Variants in MACC1 observed in about 807,000 individuals in gnomAD.
MACC1 encodes metastasis-associated in colon cancer protein 1.
A neutral mutation model predicts 70.7 loss-of-function variants in MACC1; 79 were observed. The observed-to-expected ratio is 1.12, with a 90% CI of 0.93 to 1.35. The LOEUF is 1.35. Ranked by LOEUF, MACC1 falls within the 40% of genes most tolerant of loss-of-function variation. The pLI is 0.00. For missense variants in MACC1, 1,106 were observed against 978.1 expected, an observed-to-expected ratio of 1.13 and a Z score of -1.74; for synonymous variants, 361 against 347.2, an observed-to-expected ratio of 1.04 and a Z score of -0.44.
chr7:20,152,336 T>C (rs575831525), intron 6 of MACC1, among the ~76,000 whole-genome samples: 2 of 152,250 alleles, frequency 1.3e-5, no homozygotes, highest in Admixed American at 6.5e-5. Flanking sequence ...CCAGAACTAA[T>C]ATCAGTGTGC....
At chr7:20,198,944 AG>A (rs1170257755) in intron 1 of MACC1, among the ~76,000 whole-genome samples, 2 of 152,262 alleles carry the variant, frequency 1.3e-5, no homozygotes, top group Non-Finnish European at 2.9e-5. Flanking sequence ...CTGTGCAGAG[AG>A]AAAGGCTTGT....
At chr7:20,206,759 C>T (rs531431992) in intron 1 of MACC1, among the ~76,000 whole-genome samples, 172 of 152,328 alleles carry the variant, frequency 1.1e-3, no homozygotes, top group Non-Finnish European at 1.9e-3. Context: ...AGTTGGCCAA[C>T]GTCAACTTAT....
At chr7:20,149,998 G>C (rs553675103) in intron 6 of MACC1, among the ~76,000 whole-genome samples, 1 of 152,146 alleles carries the variant, frequency 6.6e-6, no homozygotes, top group South Asian at 2.1e-4. Flanking sequence ...TATATGTAAA[G>C]AGCAGATGGC....
intron 1 of MACC1, among the ~76,000 whole-genome samples, chr7:20,200,108 A>G (rs1196454726): frequency 1.3e-5 from 2 of 151,978 alleles, no homozygotes; most frequent in African/African-American, 2.4e-5. Flanking sequence ...GATAAATAAA[A>G]TTCATAATAA....
chr7:20,191,331 TG>T (rs2128107107), intron 1 of MACC1, among the ~76,000 whole-genome samples: 1 of 152,256 alleles, frequency 6.6e-6, no homozygotes, highest in African/African-American at 2.4e-5. Flanking sequence ...CAGGAGGTCC[TG>T]GAAACACAGG....
At chr7:20,196,388 G>C (rs1022838937) in intron 1 of MACC1, among the ~76,000 whole-genome samples, 1 of 152,030 alleles carries the variant, frequency 6.6e-6, no homozygotes, top group Admixed American at 6.6e-5. Flanking sequence ...CACCGTGTTA[G>C]CCAGGATGGT....
At chr7:20,216,346 T>TA (rs370345327) in intron 1 of MACC1, among the ~76,000 whole-genome samples, 114 of 152,244 alleles carry the variant, frequency 7.5e-4, no homozygotes, top group African/African-American at 2.5e-3. Context: ...TTAATTGTGG[T>TA]AAAAAACTTA....
At chr7:20,178,667 T>C (rs770771079) in intron 1 of MACC1, among the ~76,000 whole-genome samples, 8 of 152,242 alleles carry the variant, frequency 5.3e-5, no homozygotes, top group Non-Finnish European at 1.2e-4. Context: ...AGGCGCGATC[T>C]CGGCTCACCG....
intron 1 of MACC1, among the ~76,000 whole-genome samples, chr7:20,184,293 T>C (rs1421131776): frequency 6.6e-6 from 1 of 152,140 alleles, no homozygotes; most frequent in Non-Finnish European, 1.5e-5. Flanking sequence ...TAACAACATC[T>C]AACTCACTAC....
intron 5 of MACC1, among the ~76,000 whole-genome samples, chr7:20,156,851 A>C (rs1782061602): frequency 6.6e-6 from 1 of 152,196 alleles, no homozygotes; most frequent in African/African-American, 2.4e-5. Flanking sequence ...TTGCATCTTG[A>C]TTAAAACTTT....
intron 1 of MACC1, among the ~76,000 whole-genome samples, chr7:20,214,411 T>C (rs1320049633): frequency 6.6e-6 from 1 of 152,158 alleles, no homozygotes; most frequent in Non-Finnish European, 1.5e-5. Context: ...CAAACTTCAC[T>C]CATTCTGGTA....
At chr7:20,148,644 C>T (rs1781930353) in intron 6 of MACC1, among the ~76,000 whole-genome samples, 1 of 151,882 alleles carries the variant, frequency 6.6e-6, no homozygotes, top group Non-Finnish European at 1.5e-5. Context: ...AATGTGTTAC[C>T]CCAGAAATTT....
At position 20,137,091 on chromosome 7, in the gene MACC1, T is replaced by C. The variant is rs1481551131; in HGVS notation, c.*3855A>G. ...TGTTCATTATTCTCTTTTTCTTTTA[T>C]ATTACCTCAAAAATTCCTTAGATAT... On this transcript the variant is annotated 3_prime_UTR_variant, in exon 7 of 7. Transcript: ENST00000400331. 6.6e-6 allele frequency: 1 copy of C among 151,992 alleles called. No homozygotes were observed. Among genetic ancestry groups the C allele is most frequent in the African/African-American group, 2.4e-5 (1 of 41,418 alleles). 9.4% of individuals were successfully genotyped at this position (151,992 alleles called of 1,614,324 possible).
intron 6 of MACC1, among the ~76,000 whole-genome samples, chr7:20,148,536 T>C (rs1344695441): frequency 6.6e-6 from 1 of 152,206 alleles, no homozygotes; most frequent in Admixed American, 6.5e-5. Context: ...TTTAAATCCA[T>C]TTTGAATTTT....
intron 1 of MACC1, among the ~76,000 whole-genome samples, chr7:20,186,324 G>A (rs1361334566): frequency 6.6e-6 from 1 of 151,942 alleles, no homozygotes; most frequent in Non-Finnish European, 1.5e-5. Flanking sequence ...AAATAGGATT[G>A]GATACTTTCA....
chr7:20,159,039 T>G lies in MACC1; in HGVS notation c.1322A>C (p.Asp441Ala). ...QDLSISIFSC[D>A]PDFEVKTEGE... ...TTCTGTCTTTACTTCAAAATCAGGA[T>G]CACAGGAAAAAATAGAAATACTTAA... The change falls in exon 5 of 7, where the codon GAT (aspartate) becomes GCT (alanine). Residue 441 changes from aspartate (D) to alanine (A), a missense_variant. Coordinates refer to ENST00000400331, the MANE Select transcript of MACC1 (RefSeq NM_182762.4). 1 of 1,613,826 alleles carries G rather than the reference T, an allele frequency of 6.2e-7. No individual in the cohort carries two copies. The highest frequency in any genetic ancestry group is 1.7e-5 in the Admixed American group (1 of 59,948).
intron 1 of MACC1, among the ~76,000 whole-genome samples, chr7:20,190,607 T>C (rs1191242557): frequency 6.6e-6 from 1 of 152,174 alleles, no homozygotes; most frequent in African/African-American, 2.4e-5. Flanking sequence ...TCCTAAAGCA[T>C]AAAAATTCTG....
chr7:20,180,708 G>T (rs1466906031), intron 1 of MACC1, among the ~76,000 whole-genome samples: 1 of 152,050 alleles, frequency 6.6e-6, no homozygotes, highest in Non-Finnish European at 1.5e-5. Context: ...TTAGCCAGAT[G>T]TGGTGGTGCG....
intron 1 of MACC1, among the ~76,000 whole-genome samples, chr7:20,207,651 G>T (rs1174028047): frequency 1.3e-5 from 2 of 151,910 alleles, no homozygotes; most frequent in Non-Finnish European, 2.9e-5. Context: ...GGAAAAAATA[G>T]GTATTTTCAT....
Sources: gnomAD v4.1 joint callset for allele counts (sites outside exome capture counted in the v4.1 genomes callset) on GRCh38, gnomAD v4.1.1 for gene constraint, MANE v1.5 for transcripts, NCBI Gene and HGNC (gene_info 2026-07-23, HGNC 2026-07-21) for gene names.